Variants in AMPH observed in about 807,000 individuals in gnomAD.
The protein encoded by AMPH is amphiphysin.
Under a neutral mutation model 99.1 loss-of-function variants are expected in AMPH, and 49 were observed. The observed-to-expected ratio is 0.49, with a 90% CI of 0.39 to 0.63. The LOEUF (loss-of-function observed/expected upper bound fraction) is 0.63. AMPH is among the 20% of genes least tolerant of loss of function. AMPH has a pLI of 0.00. For synonymous variants in AMPH, 314 were observed against 317.3 expected, an observed-to-expected ratio of 0.99 and a Z score of 0.11; for missense variants, 759 against 863.4, an observed-to-expected ratio of 0.88 and a Z score of 1.52.
chr7:38,541,005 A>G (rs1312574402), intron 1 of AMPH, among the ~76,000 whole-genome samples: 13 of 132,444 alleles, frequency 9.8e-5, no homozygotes, highest in African/African-American at 3.8e-4. Context: ...TTCTCTTCAC[A>G]CTTTCTGTTC....
chr7:38,593,944 A>G (rs957495188), intron 1 of AMPH, among the ~76,000 whole-genome samples: 4 of 152,274 alleles, frequency 2.6e-5, no homozygotes, highest in African/African-American at 9.6e-5. Flanking sequence ...CTAGGTGATG[A>G]GGGCCTGTAG....
chr7:38,432,619 CA>C (rs1584083564), intron 12 of AMPH, among the ~76,000 whole-genome samples: 8 of 149,252 alleles, frequency 5.4e-5, no homozygotes, highest in African/African-American at 1.3e-4. Context: ...CACACACACA[CA>C]CACCTCATTA....
chr7:38,525,716 T>G (rs1017567453), intron 2 of AMPH, among the ~76,000 whole-genome samples: 2 of 152,140 alleles, frequency 1.3e-5, no homozygotes, highest in Non-Finnish European at 2.9e-5. Flanking sequence ...CTTTTAGAAT[T>G]GGATTTTTTC....
intron 2 of AMPH, among the ~76,000 whole-genome samples, chr7:38,526,423 C>CTACTGCAAGCACCCA (rs1790188903): frequency 7.1e-6 from 1 of 139,862 alleles, no homozygotes; most frequent in Admixed American, 7.5e-5. Flanking sequence ...GCACCCACTA[C>CTACTGCAAGCACCCA]CATGCCCGGC....
At chr7:38,436,763 C>T (rs1336383179) in intron 11 of AMPH, among the ~76,000 whole-genome samples, 4 of 152,132 alleles carry the variant, frequency 2.6e-5, no homozygotes, top group African/African-American at 7.2e-5. Context: ...ATGACCCAAT[C>T]GATAAAATGG....
intron 3 of AMPH, among the ~76,000 whole-genome samples, chr7:38,496,601 A>T (rs140572679): frequency 8.3e-4 from 126 of 152,266 alleles, no homozygotes; most frequent in African/African-American, 2.9e-3. Flanking sequence ...CGCACTCTGA[A>T]TCCAAGCAAG....
intron 17 of AMPH, among the ~76,000 whole-genome samples, chr7:38,396,968 T>C (rs915196175): frequency 6.6e-6 from 1 of 152,246 alleles, no homozygotes; most frequent in African/African-American, 2.4e-5. Flanking sequence ...AGTTGTGTCA[T>C]GATTACAAGC....
chr7:38,562,316 G>A (rs1791582814), intron 1 of AMPH, among the ~76,000 whole-genome samples: 2 of 152,174 alleles, frequency 1.3e-5, no homozygotes, highest in Non-Finnish European at 2.9e-5. Flanking sequence ...GCAGCTAGTT[G>A]TCTGACAGGG....
chr7:38,610,357 A>T (rs927575880), intron 1 of AMPH, among the ~76,000 whole-genome samples: 3 of 46,532 alleles, frequency 6.4e-5, no homozygotes, highest in Admixed American at 2.0e-4. Context: ...AGAAAAGAAA[A>T]GAAAAGAAAA....
chr7:38,525,258 G>GTGTATA (rs1173107719), intron 2 of AMPH, among the ~76,000 whole-genome samples: 21 of 111,206 alleles, frequency 1.9e-4, no homozygotes, highest in African/African-American at 6.4e-4. Context: ...GTGTGTGTGT[G>GTGTATA]TATATATATA....
At chr7:38,452,969 T>C (rs982906715) in intron 11 of AMPH, among the ~76,000 whole-genome samples, 8 of 152,158 alleles carry the variant, frequency 5.3e-5, no homozygotes, top group Non-Finnish European at 5.9e-5. Flanking sequence ...CCAGATTATG[T>C]CACTCAATAA....
rs750537808 is a variant in AMPH at position 38,417,901 on chromosome 7, A to C, written c.1322T>G (p.Leu441Arg). The C allele has an allele frequency of 1.2e-5, 20 of 1,614,068 alleles. 1 individual carries two copies. The South Asian group carries it at 1.8e-4, about 14-fold the overall frequency. The change falls in exon 17 of 21, where the codon CTG (leucine) becomes CGG (arginine). Residue 441 changes from leucine to arginine, a missense_variant. This residue lies in a region of AMPH where 554 missense variants were observed against 575.6 expected (regional missense o/e 0.96). Coordinates refer to ENST00000356264, the MANE Select transcript of AMPH (RefSeq NM_001635.4). ...ACCAACGGCAGGTGTGACAGCAGCC[A>C]GAGGCTCCTCTGCTTTTGGCTCTGT... ...PPTEPKAEEP[L>R]AAVTPAVGLD...
chr7:38,401,682 T>G (rs898462953), intron 17 of AMPH, among the ~76,000 whole-genome samples: 2 of 152,226 alleles, frequency 1.3e-5, no homozygotes, highest in African/African-American at 4.8e-5. Flanking sequence ...GTTGTTCATT[T>G]GTAGTGCTTT....
intron 1 of AMPH, among the ~76,000 whole-genome samples, chr7:38,609,659 T>A (rs1162671552): frequency 6.6e-6 from 1 of 152,170 alleles, no homozygotes; most frequent in Non-Finnish European, 1.5e-5. Context: ...TCTCAACTTG[T>A]AAAATTTATC....
At chr7:38,442,323 T>C (rs143596687) in intron 11 of AMPH, among the ~76,000 whole-genome samples, 151 of 152,274 alleles carry the variant, frequency 9.9e-4, no homozygotes, top group African/African-American at 3.6e-3. Context: ...CAGTCCACTC[T>C]TGTCCTAGTG....
intron 5 of AMPH, among the ~76,000 whole-genome samples, chr7:38,486,335 G>C (rs1437625686): frequency 6.6e-6 from 1 of 151,596 alleles, no homozygotes. Flanking sequence ...GAATAATATA[G>C]AAGAGACAGA....
chr7:38,541,017 TAAAAAAAAAAAA>T (rs60200785), intron 1 of AMPH, among the ~76,000 whole-genome samples: 3,389 of 97,756 alleles, frequency 0.035, 68 homozygotes, highest in Middle Eastern at 0.06. Context: ...TTTCTGTTCT[TAAAAAAAAAAAA>T]AAAAAAAAAA....
At chr7:38,461,222 C>G in intron 11 of AMPH, 61 bp downstream of exon 11, 1 of 1,600,866 alleles carries the variant, frequency 6.2e-7, no homozygotes, top group South Asian at 1.1e-5. Context: ...AGGGCTAGCC[C>G]CTGAGAGTCC....
At chr7:38,420,253 C>T (rs1785534877) in intron 16 of AMPH, among the ~76,000 whole-genome samples, 1 of 152,132 alleles carries the variant, frequency 6.6e-6, no homozygotes, top group African/African-American at 2.4e-5. Context: ...CCTTTCTATT[C>T]CAAGATAATG....
Sources: gnomAD v4.1 joint callset for allele counts (sites outside exome capture counted in the v4.1 genomes callset) on GRCh38, gnomAD v4.1.1 for gene constraint, gnomAD v4.1.1 regional missense constraint, MANE v1.5 for transcripts, NCBI Gene and HGNC (gene_info 2026-07-23, HGNC 2026-07-21) for gene names.